GMDS: variants seen among roughly 807,000 people sequenced by gnomAD.
The protein encoded by GMDS is GDP-mannose 4,6 dehydratase.
In GMDS, 20 loss-of-function variants were observed where a neutral mutation model predicts 49.9. That is an observed-to-expected ratio of 0.40 (90% CI 0.28 to 0.58). GMDS has a LOEUF of 0.58. GMDS is among the 20% of genes least tolerant of loss of function. GMDS has a pLI of 0.42. For synonymous variants in GMDS, 177 were observed against 178.6 expected (o/e 0.99, Z 0.07); for missense variants, 362 against 481.4 (o/e 0.75, Z 2.32).
intron 4 of GMDS, among the ~76,000 whole-genome samples, chr6:2,077,672 G>C (rs1210032065): frequency 6.6e-6 from 1 of 152,048 alleles, no homozygotes; most frequent in Non-Finnish European, 1.5e-5. Flanking sequence ...TGTGCAGTAG[G>C]AATCAGTTTG....
intron 9 of GMDS, among the ~76,000 whole-genome samples, chr6:1,633,899 G>A (rs1001862512): frequency 7.2e-5 from 11 of 152,180 alleles, no homozygotes; most frequent in Admixed American, 2.0e-4. Flanking sequence ...AGTATCTACC[G>A]CCTGCAGGCT....
At chr6:2,228,399 A>T (rs1780918581) in intron 1 of GMDS, among the ~76,000 whole-genome samples, 1 of 152,184 alleles carries the variant, frequency 6.6e-6, no homozygotes, top group Non-Finnish European at 1.5e-5. Flanking sequence ...GTCCCACCTT[A>T]AGTGATCTGC....
intron 7 of GMDS, among the ~76,000 whole-genome samples, chr6:1,813,481 G>A (rs1468627726): frequency 6.6e-6 from 1 of 152,152 alleles, no homozygotes; most frequent in East Asian, 1.9e-4. Context: ...ATAACTTTTT[G>A]AGGCTTCTTT....
chr6:1,765,933 C>T (rs1484894893), intron 7 of GMDS, among the ~76,000 whole-genome samples: 3 of 152,178 alleles, frequency 2.0e-5, no homozygotes, highest in Non-Finnish European at 4.4e-5. Flanking sequence ...GTCCTATCTT[C>T]AGCCCTAAAG....
chr6:1,958,307 G>C (rs923330156), intron 6 of GMDS, among the ~76,000 whole-genome samples: 1 of 150,694 alleles, frequency 6.6e-6, no homozygotes, highest in African/African-American at 2.4e-5. Flanking sequence ...TTTTTTTGCA[G>C]GTGGAAAAGT....
chr6:2,157,874 T>C (rs573794086), intron 1 of GMDS, among the ~76,000 whole-genome samples: 1 of 152,210 alleles, frequency 6.6e-6, no homozygotes, highest in Non-Finnish European at 1.5e-5. Context: ...TCCTCAAGGG[T>C]AAAATGAGAA....
At chr6:2,131,388 C>T (rs546179037) in intron 1 of GMDS, among the ~76,000 whole-genome samples, 18 of 152,090 alleles carry the variant, frequency 1.2e-4, no homozygotes, top group Non-Finnish European at 2.1e-4. Flanking sequence ...AGCACACACA[C>T]ACACAGATAC....
Position 2,122,264 on chromosome 6 carries a change from C to T in GMDS, c.147+2423G>A, listed in dbSNP as rs1199799783. 2.0e-5 allele frequency among the ~76,000 whole-genome samples: 3 copies of T among 152,294 alleles called. No homozygotes were observed. In the East Asian group the frequency reaches 5.8e-4, roughly 29 times the overall value. ...TGTAGTACCCAGGCAAGCAATGTCA[C>T]ACTGACTGGGGTCGTGTTAGAAAGA... On this transcript the variant is annotated intron_variant, in intron 2 of 10. Transcript: ENST00000380815.
chr6:2,089,241 A>G (rs188503942), intron 4 of GMDS, among the ~76,000 whole-genome samples: 22 of 152,298 alleles, frequency 1.4e-4, no homozygotes, highest in Non-Finnish European at 3.2e-4. Flanking sequence ...ATTTTCACAG[A>G]GAAACTACTG....
chr6:2,055,670 A>T (rs530148184), intron 4 of GMDS, among the ~76,000 whole-genome samples: 1 of 152,124 alleles, frequency 6.6e-6, no homozygotes, highest in South Asian at 2.1e-4. Context: ...TCCTTGCCAC[A>T]TTACCTAAAA....
At chr6:1,650,336 C>A (rs1296699695) in intron 9 of GMDS, among the ~76,000 whole-genome samples, 1 of 152,102 alleles carries the variant, frequency 6.6e-6, no homozygotes, top group Non-Finnish European at 1.5e-5. Context: ...TAATTATATG[C>A]TTATTTCTTC....
intron 4 of GMDS, among the ~76,000 whole-genome samples, chr6:2,054,806 A>G (rs558597418): frequency 1.3e-5 from 2 of 152,202 alleles, no homozygotes; most frequent in East Asian, 3.9e-4. Context: ...AGGAAAACAA[A>G]AACAAAACAA....
Position 1,772,742 on chromosome 6 carries a change from C to T in GMDS, c.772-30156G>A, listed in dbSNP as rs532582927. ...GGTCAGGGTTCGTGATGACACCAAA[C>T]GTAAAAAACAAAAACAAGCATGGAC... On this transcript the variant is annotated intron_variant, in intron 7 of 10. Transcript: ENST00000380815. Among the ~76,000 whole-genome samples, 4 of 152,254 alleles carry T rather than the reference C, an allele frequency of 2.6e-5. No individual in the cohort carries two copies. In the South Asian group the frequency reaches 6.2e-4, roughly 24 times the overall value.
At chr6:1,720,512 T>C (rs149298627) in intron 9 of GMDS, among the ~76,000 whole-genome samples, 26 of 152,268 alleles carry the variant, frequency 1.7e-4, no homozygotes, top group Middle Eastern at 3.4e-3. Flanking sequence ...ATTTATAAAA[T>C]ACAAGCAGTA....
chr6:1,757,482 T>G (rs1028013458), intron 7 of GMDS, among the ~76,000 whole-genome samples: 1 of 152,224 alleles, frequency 6.6e-6, no homozygotes, highest in Non-Finnish European at 1.5e-5. Flanking sequence ...TTTACACTCA[T>G]GACCACCTGA....
intron 1 of GMDS, among the ~76,000 whole-genome samples, chr6:2,205,690 GCTTCCATCT>G (rs1779773737): frequency 6.6e-6 from 1 of 152,102 alleles, no homozygotes; most frequent in African/African-American, 2.4e-5. Flanking sequence ...CTGCATCTCT[GCTTCCATCT>G]CTTCCATCTA....
At chr6:2,081,621 T>C (rs1488921481) in intron 4 of GMDS, among the ~76,000 whole-genome samples, 1 of 152,128 alleles carries the variant, frequency 6.6e-6, no homozygotes, top group Non-Finnish European at 1.5e-5. Flanking sequence ...AGCAATAAGA[T>C]TAACCACAAC....
At chr6:2,159,870 G>T (rs931576538) in intron 1 of GMDS, among the ~76,000 whole-genome samples, 1 of 151,712 alleles carries the variant, frequency 6.6e-6, no homozygotes, top group African/African-American at 2.4e-5. Flanking sequence ...TTTTCAAATT[G>T]TCACAAATCT....
At chr6:1,939,526 C>CAT (rs979155299) in intron 6 of GMDS, among the ~76,000 whole-genome samples, 1 of 150,752 alleles carries the variant, frequency 6.6e-6, no homozygotes, top group South Asian at 2.2e-4. Flanking sequence ...TATACACACA[C>CAT]ATATATATAC....
Sources: allele counts gnomAD v4.1 joint callset (sites outside exome capture counted in the v4.1 genomes callset), GRCh38; gene constraint gnomAD v4.1.1; transcripts MANE v1.5; gene names NCBI Gene and HGNC (gene_info 2026-07-23, HGNC 2026-07-21).